Variants in MED13L observed in about 807,000 individuals in gnomAD.
The protein encoded by MED13L is mediator complex subunit 13L.
A neutral mutation model predicts 220.9 loss-of-function variants in MED13L; 7 were observed. The ratio of observed to expected loss-of-function variants is 0.03; its 90% CI spans 0.02 to 0.06. The LOEUF is 0.06. Among genes scored for constraint, MED13L ranks in the 10% least tolerant of loss-of-function variants. The probability of loss-of-function intolerance (pLI) is 1.00; values close to 1 mark genes in which losing one functional copy is unlikely to be tolerated. For missense variants in MED13L, 1,965 were observed against 2,760.5 expected (o/e 0.71, Z 6.46); for synonymous variants, 1,011 against 1,015.2 (o/e 1.00, Z 0.08).
At chr12:116,063,680 T>C (rs2137648379) in intron 4 of MED13L, among the ~76,000 whole-genome samples, 1 of 152,334 alleles carries the variant, frequency 6.6e-6, no homozygotes, top group South Asian at 2.1e-4. Flanking sequence ...AAAGCCTTTT[T>C]TAACCACCAC....
chr12:116,267,450 T>C (rs1429937442), intron 1 of MED13L, among the ~76,000 whole-genome samples: 1 of 152,214 alleles, frequency 6.6e-6, no homozygotes, highest in Non-Finnish European at 1.5e-5. Flanking sequence ...GGCTACTCTA[T>C]AACTTTAGTT....
chr12:116,041,750 G>A (rs923971313), intron 4 of MED13L, among the ~76,000 whole-genome samples: 5 of 152,140 alleles, frequency 3.3e-5, no homozygotes, highest in African/African-American at 9.7e-5. Flanking sequence ...CAGGAGAATC[G>A]CCTGAACCCG....
intron 7 of MED13L, among the ~76,000 whole-genome samples, chr12:116,017,680 G>A (rs1879807772): frequency 1.3e-5 from 2 of 152,078 alleles, no homozygotes; most frequent in African/African-American, 2.4e-5. Context: ...CACTGATGCT[G>A]TCTTGGCTCA....
At chr12:116,017,091 G>A (rs576819674) in intron 7 of MED13L, among the ~76,000 whole-genome samples, 56 of 152,200 alleles carry the variant, frequency 3.7e-4, no homozygotes, top group South Asian at 8.3e-4. Context: ...CAAGGATATC[G>A]GCAGCTTTTG....
chr12:116,106,345 C>T (rs1288804862), intron 3 of MED13L, among the ~76,000 whole-genome samples: 3 of 151,868 alleles, frequency 2.0e-5, no homozygotes, highest in Non-Finnish European at 2.9e-5. Flanking sequence ...GCAGGAGGGT[C>T]GAGATATCAA....
chr12:116,167,326 GATCA>G (rs2138165820), intron 2 of MED13L, among the ~76,000 whole-genome samples: 1 of 152,170 alleles, frequency 6.6e-6, no homozygotes, highest in East Asian at 1.9e-4. Context: ...ACAACTGTTT[GATCA>G]AAAAATACAG....
intron 4 of MED13L, among the ~76,000 whole-genome samples, chr12:116,047,817 T>C (rs544027617): frequency 1.3e-5 from 2 of 152,352 alleles, no homozygotes; most frequent in Non-Finnish European, 2.9e-5. Flanking sequence ...GTATATTTCA[T>C]CTGAGGCATT....
At chr12:116,065,839 G>T (rs965347451) in intron 4 of MED13L, among the ~76,000 whole-genome samples, 1 of 152,202 alleles carries the variant, frequency 6.6e-6, no homozygotes, top group Non-Finnish European at 1.5e-5. Flanking sequence ...ATTGCCACAG[G>T]CAGTTTTGGA....
At chr12:116,191,270 A>G (rs141955528) in intron 2 of MED13L, among the ~76,000 whole-genome samples, 53 of 152,194 alleles carry the variant, frequency 3.5e-4, no homozygotes, top group East Asian at 5.8e-4. Context: ...GGTGCTCTCA[A>G]GGATCAGTAC....
At position 116,007,466 on chromosome 12, in the gene MED13L, G is replaced by A; in HGVS notation, c.2183C>T (p.Thr728Ile). 1 of 1,613,820 alleles carries A rather than the reference G, an allele frequency of 6.2e-7. No homozygotes were observed. Among genetic ancestry groups the A allele is most frequent in the Non-Finnish European group, 8.5e-7 (1 of 1,179,858 alleles). ...CCCTTGTTTGCATTTCTTGTTGGCT[G>A]TAAAGATGTATTTTATGTCACCATC... The part of the protein sequence containing the change: ...FEDGDIKYIF[T>I]ANKKCKQGTE... The change falls in exon 11 of 31, where the codon ACA becomes ATA. Residue 728 changes from threonine (T) to isoleucine (I), a missense_variant. Thr to Ile is a moderately conservative substitution (Grantham distance 89). Around this residue, in one of 10 missense-constraint regions of MED13L, gnomAD observed 818 missense variants for 1,041.2 expected, o/e 0.79. Coordinates refer to ENST00000281928, the MANE Select transcript of MED13L (RefSeq NM_015335.5).
chr12:116,131,150 T>C (rs1454576496), intron 2 of MED13L, among the ~76,000 whole-genome samples: 1 of 152,210 alleles, frequency 6.6e-6, no homozygotes, highest in Non-Finnish European at 1.5e-5. Context: ...ATCTCTCCTG[T>C]TGAGAACCAC....
chr12:116,059,248 T>C lies in MED13L; in HGVS notation c.480-36647A>G, dbSNP rs572878122. ...CCACCCAGCTAATTGTTTGTAGAGATGGGGTCTCATTGTGTTGCTCAGGCT... is the reference window on the plus strand; with the variant it reads ...CCACCCAGCTAATTGTTTGTAGAGACGGGGTCTCATTGTGTTGCTCAGGCT... On this transcript the variant is annotated intron_variant, in intron 4 of 30. Transcript: ENST00000281928. Among the ~76,000 whole-genome samples, 25 of 152,178 alleles carry C rather than the reference T, an allele frequency of 1.6e-4. No homozygotes were observed. In the East Asian group the frequency reaches 4.8e-3, roughly 29 times the overall value.
intron 1 of MED13L, chr12:116,276,741 G>C (rs1873882144): frequency 1.6e-6 from 2 of 1,273,060 alleles, no homozygotes; most frequent in South Asian, 1.5e-5. Context: ...AAGGGGAGGA[G>C]AAGGGGAGTG....
intron 2 of MED13L, among the ~76,000 whole-genome samples, chr12:116,225,276 C>G (rs1447009525): frequency 6.6e-6 from 1 of 151,958 alleles, no homozygotes; most frequent in African/African-American, 2.4e-5. Flanking sequence ...ATGGTATGTG[C>G]TTACTGGGGA....
chr12:116,083,850 C>T (rs1021382085), intron 4 of MED13L, among the ~76,000 whole-genome samples: 7 of 152,204 alleles, frequency 4.6e-5, no homozygotes, highest in East Asian at 1.9e-4. Flanking sequence ...AAATGCCTGA[C>T]GTGTTCAAAG....
intron 2 of MED13L, among the ~76,000 whole-genome samples, chr12:116,228,137 G>A (rs976199324): frequency 6.6e-6 from 1 of 152,020 alleles, no homozygotes; most frequent in Non-Finnish European, 1.5e-5. Flanking sequence ...GACGGAGAGA[G>A]GTGAGGAAGC....
chr12:115,975,931 G>T (rs565281720), intron 23 of MED13L, among the ~76,000 whole-genome samples, 193 bp from the exon 24 acceptor site: 2 of 152,160 alleles, frequency 1.3e-5, no homozygotes, highest in Non-Finnish European at 2.9e-5. Context: ...AATCATGTAA[G>T]CTGGGAAACT....
intron 2 of MED13L, among the ~76,000 whole-genome samples, chr12:116,119,838 AAT>A (rs1555213243): frequency 0.022 from 681 of 31,586 alleles, 19 homozygotes; most frequent in African/African-American, 0.053. Flanking sequence ...AAAAAAAAAA[AAT>A]ATATATATAT....
rs756238240 is a variant in MED13L at position 116,008,767 on chromosome 12, T to C, written c.1646A>G (p.His549Arg). The C allele has an allele frequency of 1.2e-6, 2 of 1,613,856 alleles. No individual in the cohort carries two copies. The highest frequency in any genetic ancestry group is 1.3e-5 in the African/African-American group (1 of 74,882). ...QMNLNPMDSP[H>R]SPISPLPPTL... ...TGGTGGCAGAGGGGATATAGGGGAA[T>C]GAGGTGAATCCATAGGATTCAGATT... The change falls in exon 10 of 31, where the codon CAT (histidine) becomes CGT (arginine). Residue 549 changes from histidine (H) to arginine (R), a missense_variant. Coordinates refer to ENST00000281928, the MANE Select transcript of MED13L (RefSeq NM_015335.5).
Sources: gnomAD v4.1 joint callset for allele counts (sites outside exome capture counted in the v4.1 genomes callset) on GRCh38, gnomAD v4.1.1 for gene constraint, gnomAD v4.1.1 regional missense constraint, MANE v1.5 for transcripts, NCBI Gene and HGNC (gene_info 2026-07-23, HGNC 2026-07-21) for gene names.